Variants in SORCS2 observed in about 807,000 individuals in gnomAD.
The protein encoded by SORCS2 is sortilin related VPS10 domain containing receptor 2, also known as VPS10 domain-containing receptor SorCS2.
SORCS2 carries 100 observed loss-of-function variants against 141.6 expected under a neutral mutation model. The ratio of observed to expected loss-of-function variants is 0.71; its 90% CI spans 0.60 to 0.83. The LOEUF is 0.83. Ranked by LOEUF, SORCS2 falls within the 40% of genes least tolerant of loss-of-function variation. The pLI is 0.00. For missense variants in SORCS2, 1,646 were observed against 1,560.2 expected, an observed-to-expected ratio of 1.05 and a Z score of -0.93; for synonymous variants, 789 against 676.9, an observed-to-expected ratio of 1.17 and a Z score of -2.57.
intron 3 of SORCS2, among the ~76,000 whole-genome samples, chr4:7,550,560 A>G (rs1713622755): frequency 6.6e-6 from 1 of 152,162 alleles, no homozygotes; most frequent in African/African-American, 2.4e-5. Context: ...GTGTCTGGGG[A>G]ACCCAGCTGG....
At chr4:7,570,541 C>A (rs1339559551) in intron 3 of SORCS2, among the ~76,000 whole-genome samples, 2 of 152,240 alleles carry the variant, frequency 1.3e-5, no homozygotes, top group African/African-American at 4.8e-5. Context: ...CCAATCTGCT[C>A]CCACCTGCCT....
chr4:7,473,544 G>T (rs1166459121), intron 2 of SORCS2, among the ~76,000 whole-genome samples: 1 of 152,214 alleles, frequency 6.6e-6, no homozygotes, highest in Non-Finnish European at 1.5e-5. Flanking sequence ...CCTTCTAGCA[G>T]CTTGGCAGGT....
At chr4:7,520,656 C>G (rs1344114278) in intron 2 of SORCS2, among the ~76,000 whole-genome samples, 1 of 152,162 alleles carries the variant, frequency 6.6e-6, no homozygotes, top group Non-Finnish European at 1.5e-5. Context: ...GCACAGGCAC[C>G]GGGGGTGGCC....
intron 1 of SORCS2, among the ~76,000 whole-genome samples, chr4:7,386,619 A>G (rs1723354736): frequency 6.6e-6 from 1 of 150,814 alleles, no homozygotes; most frequent in Non-Finnish European, 1.5e-5. Flanking sequence ...TATGCCCACC[A>G]TACACATGAA....
chr4:7,285,939 C>T (rs79453949), intron 1 of SORCS2, among the ~76,000 whole-genome samples: 1,830 of 152,278 alleles, frequency 0.012, 28 homozygotes, highest in African/African-American at 0.042. Context: ...CCTGGGGCTG[C>T]AGTGTAGCGT....
At position 7,641,208 on chromosome 4, in the gene SORCS2, T is replaced by G. The variant is rs569145940; in HGVS notation, c.813+2716T>G. Among the ~76,000 whole-genome samples the G allele has an allele frequency of 5.3e-5, 8 of 152,286 alleles. No individual in the cohort carries two copies. In the East Asian group the frequency reaches 1.5e-3, roughly 29 times the overall value. Reference sequence around the variant, plus strand: ...TGTCACACTGCTATTAAGAACTACCTGAGACTGATTAATTTATGAAGAAAG... The same window carrying G: ...TGTCACACTGCTATTAAGAACTACCGGAGACTGATTAATTTATGAAGAAAG... On this transcript the variant is annotated intron_variant, in intron 4 of 26. Transcript: ENST00000507866.
intron 22 of SORCS2, 91 bp from the exon 23 acceptor site, chr4:7,729,496 A>G: frequency 1.3e-6 from 2 of 1,482,042 alleles, no homozygotes; most frequent in Non-Finnish European, 1.8e-6. Flanking sequence ...TGTACAGGCC[A>G]AGAAGGGAGA....
intron 2 of SORCS2, among the ~76,000 whole-genome samples, chr4:7,406,072 A>G (rs1724949701): frequency 6.6e-6 from 1 of 152,056 alleles, no homozygotes. Flanking sequence ...TTAAACCATC[A>G]TTGTATCCTT....
At chr4:7,501,214 G>A (rs568241030) in intron 2 of SORCS2, among the ~76,000 whole-genome samples, 15 of 152,114 alleles carry the variant, frequency 9.9e-5, no homozygotes, top group African/African-American at 2.2e-4. Context: ...CCCTGCTCCC[G>A]TCACCCGCTC....
In SORCS2 at chr4:7,722,251, G is replaced by T. The variant is rs190991579; in HGVS notation, c.2425-1446G>T. 1.1e-3 allele frequency among the ~76,000 whole-genome samples: 168 copies of T among 152,214 alleles called. 2 individuals carry two copies. Among genetic ancestry groups the T allele is most frequent in the Middle Eastern group, 6.8e-3 (2 of 294 alleles). On this transcript the variant is annotated intron_variant, in intron 18 of 26. Transcript: ENST00000507866. The stretch of plus-strand genomic sequence containing the variant: ...TAGCACAGGAAACACTTCCCTCCGT[G>T]GAAGCAGCTCAGACTTGAGCGCTTC...
At chr4:7,250,408 C>G (rs1456108575) in intron 1 of SORCS2, among the ~76,000 whole-genome samples, 4 of 152,210 alleles carry the variant, frequency 2.6e-5, no homozygotes, top group Non-Finnish European at 5.9e-5. Context: ...AACACGCTGG[C>G]TCTTCTGGTG....
chr4:7,533,860 T>C (rs933782553), intron 3 of SORCS2, among the ~76,000 whole-genome samples: 7 of 152,082 alleles, frequency 4.6e-5, no homozygotes, highest in African/African-American at 1.4e-4. Context: ...AGATGATACA[T>C]AGAATGCACA....
At chr4:7,651,436 A>G (rs1447090255) in intron 4 of SORCS2, among the ~76,000 whole-genome samples, 1 of 152,140 alleles carries the variant, frequency 6.6e-6, no homozygotes, top group Non-Finnish European at 1.5e-5. Context: ...CTCTGGAGAG[A>G]GAAGAGGAGG....
chr4:7,417,876 G>A (rs1183626582), intron 2 of SORCS2, among the ~76,000 whole-genome samples: 2 of 152,198 alleles, frequency 1.3e-5, no homozygotes, highest in South Asian at 2.1e-4. Context: ...TGAAGGGTGA[G>A]GGGGAGCAGC....
intron 2 of SORCS2, among the ~76,000 whole-genome samples, chr4:7,531,302 G>A (rs976072624): frequency 3.3e-5 from 5 of 152,170 alleles, no homozygotes; most frequent in Admixed American, 1.3e-4. Flanking sequence ...CCTAGCTCTG[G>A]ACCTAAGCTC....
chr4:7,606,579 G>A (rs1375727123), intron 3 of SORCS2, among the ~76,000 whole-genome samples: 2 of 152,096 alleles, frequency 1.3e-5, no homozygotes, highest in African/African-American at 4.8e-5. Flanking sequence ...ACCTCCTCAG[G>A]AACAGGGAGG....
intron 1 of SORCS2, among the ~76,000 whole-genome samples, chr4:7,350,419 G>A (rs945769293): frequency 4.6e-5 from 7 of 152,254 alleles, no homozygotes; most frequent in African/African-American, 7.2e-5. Context: ...ATAGACAGCT[G>A]GATCTAGGGA....
intron 26 of SORCS2, among the ~76,000 whole-genome samples, chr4:7,737,776 G>A (rs1277588413): frequency 6.6e-6 from 1 of 152,218 alleles, no homozygotes; most frequent in African/African-American, 2.4e-5. Context: ...TGGTGTCTGG[G>A]AGCTGACTGG....
chr4:7,402,796 C>G (rs997374590), intron 2 of SORCS2, among the ~76,000 whole-genome samples: 2 of 152,132 alleles, frequency 1.3e-5, no homozygotes, highest in Admixed American at 1.3e-4. Context: ...TATTTTGCAT[C>G]TCCCTCATAC....
Sources: allele counts gnomAD v4.1 joint callset (sites outside exome capture counted in the v4.1 genomes callset), GRCh38; gene constraint gnomAD v4.1.1; transcripts MANE v1.5; gene names NCBI Gene and HGNC (gene_info 2026-07-23, HGNC 2026-07-21).